EFCAB13: variants seen among roughly 807,000 people sequenced by gnomAD.
EFCAB13 encodes the protein EF-hand calcium binding domain 13, also known as EF-hand calcium-binding domain-containing protein 13.
Under a neutral mutation model 110.2 loss-of-function variants are expected in EFCAB13, and 91 were observed. The observed-to-expected ratio is 0.83, with a 90% CI of 0.70 to 0.98. The LOEUF is 0.98. Among genes scored for constraint, EFCAB13 ranks in the 50% least tolerant of loss-of-function variants. The probability of loss-of-function intolerance (pLI) is 0.00; values close to 1 mark genes in which losing one functional copy is unlikely to be tolerated. For synonymous variants in EFCAB13, 323 were observed against 369.9 expected, an observed-to-expected ratio of 0.87 and a Z score of 1.45; for missense variants, 968 against 1,119.4, an observed-to-expected ratio of 0.86 and a Z score of 1.93.
chr17:47,351,756 ATTTC>A (rs1045008172), intron 9 of EFCAB13, among the ~76,000 whole-genome samples: 7 of 151,704 alleles, frequency 4.6e-5, no homozygotes, highest in African/African-American at 1.7e-4. Flanking sequence ...TCTGTTGATT[ATTTC>A]TTTTGCTGTG....
intron 10 of EFCAB13, chr17:47,369,970 T>A (rs1352629169): frequency 6.1e-6 from 1 of 164,532 alleles, no homozygotes; most frequent in Non-Finnish European, 1.3e-5. Context: ...AGACATTACA[T>A]TGTTTTTTAA....
At chr17:47,439,171 G>GTTTTT (rs71141908) in intron 24 of EFCAB13, among the ~76,000 whole-genome samples, 1,203 of 73,644 alleles carry the variant, frequency 0.016, 4 homozygotes, top group Non-Finnish European at 0.018. Context: ...TCTTTGTTTT[G>GTTTTT]TTTTTTTTTT....
intron 23 of EFCAB13, among the ~76,000 whole-genome samples, chr17:47,418,206 C>A (rs944482391): frequency 3.9e-5 from 6 of 152,160 alleles, no homozygotes; most frequent in African/African-American, 1.4e-4. Flanking sequence ...TGGATAAGGG[C>A]AGTCCTGATT....
Position 47,397,978 on chromosome 17 carries a change from C to A in EFCAB13, c.1945+2001C>A, listed in dbSNP as rs1174113370. 2.0e-5 allele frequency among the ~76,000 whole-genome samples: 3 copies of A among 148,624 alleles called. No homozygotes were observed. In the East Asian group the frequency reaches 6.2e-4, roughly 31 times the overall value. On this transcript the variant is annotated intron_variant, in intron 17 of 24. Transcript: ENST00000331493. Reference sequence around the variant, plus strand: ...CCGGGAGGGAGGTGGGGGGGTCAGCCCCCCGCCCGGCCAGCCGCCCCGTCC... The same window carrying A: ...CCGGGAGGGAGGTGGGGGGGTCAGCACCCCGCCCGGCCAGCCGCCCCGTCC...
chr17:47,335,190 C>A lies in EFCAB13; in HGVS notation c.31-6C>A. ...CATGCTTGATTGTGGCTCTTATATTCCCCAGGCAGAGGAAAATATTGACTT... is the reference window on the plus strand; with the variant it reads ...CATGCTTGATTGTGGCTCTTATATTACCCAGGCAGAGGAAAATATTGACTT... On this transcript the variant is annotated splice_region_variant and splice_polypyrimidine_tract_variant and intron_variant, in intron 4 of 24. Transcript: ENST00000331493. 1 of 1,591,248 alleles carries A rather than the reference C, an allele frequency of 6.3e-7. No individual in the cohort carries two copies. Among genetic ancestry groups the A allele is most frequent in the South Asian group, 1.2e-5 (1 of 85,518 alleles).
intron 23 of EFCAB13, among the ~76,000 whole-genome samples, chr17:47,425,608 C>T (rs1904924140): frequency 6.6e-6 from 1 of 152,194 alleles, no homozygotes; most frequent in Non-Finnish European, 1.5e-5. Context: ...CCAGAATCTA[C>T]TTCTGAACCT....
intron 22 of EFCAB13, among the ~76,000 whole-genome samples, chr17:47,414,251 GCA>G (rs386797429): frequency 2.6e-5 from 4 of 151,802 alleles, no homozygotes; most frequent in African/African-American, 7.3e-5. Context: ...GTGTGTGTGT[GCA>G]CGTGCGTGTG....
intron 15 of EFCAB13, among the ~76,000 whole-genome samples, chr17:47,393,586 C>T (rs1484729826): frequency 3.3e-5 from 5 of 151,952 alleles, no homozygotes; most frequent in African/African-American, 7.3e-5. Context: ...GGCATGGTGA[C>T]GTGCCTGTAA....
chr17:47,416,586 C>T (rs975920295), intron 23 of EFCAB13, among the ~76,000 whole-genome samples: 1 of 152,018 alleles, frequency 6.6e-6, no homozygotes, highest in African/African-American at 2.4e-5. Flanking sequence ...CCCTTCTCCC[C>T]CTCCCCTCCT....
intron 22 of EFCAB13, among the ~76,000 whole-genome samples, chr17:47,414,393 A>C (rs1904358945): frequency 1.3e-5 from 2 of 152,010 alleles, no homozygotes; most frequent in Admixed American, 6.6e-5. Context: ...CAAGTTATTT[A>C]ATTTCCATTT....
intron 3 of EFCAB13, 182 bp from the exon 4 acceptor site, chr17:47,328,087 T>G (rs1188970692): frequency 2.1e-6 from 1 of 478,442 alleles, no homozygotes; most frequent in Non-Finnish European, 3.7e-6. Flanking sequence ...AATTGGATGA[T>G]CTGTGATTTA....
chr17:47,379,247 T>C lies in EFCAB13; in HGVS notation c.1576T>C (p.Cys526Arg). ...CGCCAAGGAGCGAAGTTTTCCTGAA[T>C]GCAATGGTAGGTAGGAAATTTGTTT... ...ALAKERSFPECNALPGVIKAI... is the reference protein window; with the variant it reads ...ALAKERSFPERNALPGVIKAI... The change falls in exon 14 of 25, where the codon TGC (cysteine) becomes CGC (arginine). Residue 526 changes from cysteine (C) to arginine (R), a missense_variant. Physicochemically the swap from Cys to Arg is radical, Grantham distance 180. Coordinates refer to ENST00000331493, the MANE Select transcript of EFCAB13 (RefSeq NM_152347.5). The C allele has an allele frequency of 6.2e-7, 1 of 1,612,310 alleles. No individual in the cohort carries two copies. Among genetic ancestry groups the C allele is most frequent in the Non-Finnish European group, 8.5e-7 (1 of 1,178,596 alleles).
At chr17:47,349,900 G>A (rs904002476) in intron 9 of EFCAB13, among the ~76,000 whole-genome samples, 1 of 150,558 alleles carries the variant, frequency 6.6e-6, no homozygotes, top group Non-Finnish European at 1.5e-5. Context: ...TCAGCCTCCC[G>A]AGTAGCTGGG....
intron 14 of EFCAB13, among the ~76,000 whole-genome samples, chr17:47,383,367 A>G (rs2065657492): frequency 6.6e-6 from 1 of 151,854 alleles, no homozygotes; most frequent in Non-Finnish European, 1.5e-5. Context: ...TTTAATTGTG[A>G]TGTTAGGGTG....
At position 47,418,444 on chromosome 17, in the gene EFCAB13, ATTG is replaced by A. The variant is rs530571759; in HGVS notation, c.2494+3529_2494+3531del. On this transcript the variant is annotated intron_variant, in intron 23 of 24. Transcript: ENST00000331493. ...TGCCCATTTTAAAATCAGGCTTTTT[ATTG>A]TTGAGTTTTAAGAGTTATTCATATA... 1.1e-4 allele frequency among the ~76,000 whole-genome samples: 17 copies of A among 152,220 alleles called. No individual in the cohort carries two copies. In the South Asian group the frequency reaches 3.5e-3, roughly 32 times the overall value.
intron 5 of EFCAB13, among the ~76,000 whole-genome samples, chr17:47,336,788 G>A (rs2065353956): frequency 6.6e-6 from 1 of 151,886 alleles, no homozygotes; most frequent in African/African-American, 2.4e-5. Flanking sequence ...GCATTGCCTG[G>A]TTGCCTTTTG....
At chr17:47,336,187 C>T (rs1215308808) in intron 5 of EFCAB13, among the ~76,000 whole-genome samples, 1 of 150,698 alleles carries the variant, frequency 6.6e-6, no homozygotes, top group African/African-American at 2.4e-5. Context: ...AGTGCAGTGG[C>T]GCAGCCATGG....
chr17:47,362,511 G>A (rs756465906), intron 10 of EFCAB13, among the ~76,000 whole-genome samples: 5 of 152,150 alleles, frequency 3.3e-5, no homozygotes, highest in South Asian at 2.1e-4. Context: ...CCCTTTCCCC[G>A]GGGGAGTTTA....
intron 10 of EFCAB13, among the ~76,000 whole-genome samples, chr17:47,364,807 G>A (rs2065537059): frequency 1.3e-5 from 2 of 152,146 alleles, no homozygotes; most frequent in Admixed American, 6.5e-5. Flanking sequence ...CTTTTAGTGT[G>A]GTTTACAGGG....
Sources: gnomAD v4.1 joint callset for allele counts (sites outside exome capture counted in the v4.1 genomes callset) on GRCh38, gnomAD v4.1.1 for gene constraint, MANE v1.5 for transcripts, NCBI Gene and HGNC (gene_info 2026-07-23, HGNC 2026-07-21) for gene names.